RPS6KC1: variants seen among roughly 807,000 people sequenced by gnomAD.
RPS6KC1 encodes inactive ribosomal protein S6 kinase delta-1.
A neutral mutation model predicts 103.8 loss-of-function variants in RPS6KC1; 54 were observed. The ratio of observed to expected loss-of-function variants is 0.52; its 90% CI spans 0.42 to 0.65. RPS6KC1 has a LOEUF of 0.65. Among genes scored for constraint, RPS6KC1 ranks in the 30% least tolerant of loss-of-function variants. RPS6KC1 has a pLI of 0.00. For missense variants in RPS6KC1, 1,151 were observed against 1,253.8 expected, an observed-to-expected ratio of 0.92 and a Z score of 1.24; for synonymous variants, 439 against 438.7, an observed-to-expected ratio of 1.00 and a Z score of -0.01.
chr1:213,707,598 T>C, the RPS6KC1 span, among the ~76,000 whole-genome samples: 3 of 152,240 alleles, frequency 2.0e-5, no homozygotes, highest in Non-Finnish European at 4.4e-5. Flanking sequence ...TTTGGTGTTT[T>C]AGTCATGAAG....
the RPS6KC1 span, among the ~76,000 whole-genome samples, chr1:213,561,204 A>T: frequency 6.6e-6 from 1 of 152,326 alleles, no homozygotes. Context: ...CTGCCCCCTT[A>T]TAGAGTCTTT....
At chr1:213,260,476 G>A (rs1421416357) in intron 12 of RPS6KC1, among the ~76,000 whole-genome samples, 1 of 152,170 alleles carries the variant, frequency 6.6e-6, no homozygotes, top group Non-Finnish European at 1.5e-5. Flanking sequence ...TATTGCTCAA[G>A]CTATTTTGTA....
At chr1:213,358,190 A>G in the RPS6KC1 span, among the ~76,000 whole-genome samples, 91,948 of 151,606 alleles carry the variant, frequency 0.61, 29,436 homozygotes, top group East Asian at 0.93. Context: ...TATTGATTGG[A>G]ATAGTTTCAG....
At chr1:213,313,743 T>C in the RPS6KC1 span, among the ~76,000 whole-genome samples, 31 of 152,156 alleles carry the variant, frequency 2.0e-4, no homozygotes, top group African/African-American at 6.7e-4. Flanking sequence ...GGCGGGCGGA[T>C]CACCAGGTCA....
intron 8 of RPS6KC1, among the ~76,000 whole-genome samples, chr1:213,222,084 G>A (rs2093847782): frequency 6.6e-6 from 1 of 152,142 alleles, no homozygotes; most frequent in African/African-American, 2.4e-5. Context: ...TTGATGCAGC[G>A]ACTTCTGATG....
At chr1:213,355,381 A>G in the RPS6KC1 span, among the ~76,000 whole-genome samples, 2,836 of 152,236 alleles carry the variant, frequency 0.019, 60 homozygotes, top group African/African-American at 0.056. Flanking sequence ...GCCCCCTTGC[A>G]GAATCGGGAG....
At chr1:213,638,189 A>G in the RPS6KC1 span, among the ~76,000 whole-genome samples, 1 of 152,082 alleles carries the variant, frequency 6.6e-6, no homozygotes, top group Non-Finnish European at 1.5e-5. Context: ...CCCTATAGGT[A>G]TCTTTTTTGA....
chr1:213,776,941 C>G, the RPS6KC1 span, among the ~76,000 whole-genome samples: 1 of 125,592 alleles, frequency 8.0e-6, no homozygotes, highest in Non-Finnish European at 1.8e-5. Flanking sequence ...TATAAACCAA[C>G]CTCTGCTAGC....
At chr1:213,523,417 A>C in the RPS6KC1 span, among the ~76,000 whole-genome samples, 1 of 152,232 alleles carries the variant, frequency 6.6e-6, no homozygotes, top group African/African-American at 2.4e-5. Flanking sequence ...AAATGGCACC[A>C]ATAGAGTTTC....
At chr1:213,077,162 G>A (rs970119602) in intron 2 of RPS6KC1, among the ~76,000 whole-genome samples, 4 of 152,152 alleles carry the variant, frequency 2.6e-5, no homozygotes, top group African/African-American at 4.8e-5. Context: ...GAACCACTGC[G>A]CCCGGCCAGT....
the RPS6KC1 span, among the ~76,000 whole-genome samples, chr1:213,647,025 G>A: frequency 6.6e-6 from 1 of 151,836 alleles, no homozygotes; most frequent in South Asian, 2.1e-4. Context: ...TGCCTCCCGA[G>A]TAGCTGGGAT....
chr1:213,367,251 T>C, the RPS6KC1 span, among the ~76,000 whole-genome samples: 1 of 152,232 alleles, frequency 6.6e-6, no homozygotes, highest in East Asian at 1.9e-4. Context: ...TTTGGGTGAA[T>C]ACATCACAAT....
the RPS6KC1 span, among the ~76,000 whole-genome samples, chr1:213,472,507 C>A: frequency 2.0e-5 from 3 of 152,310 alleles, no homozygotes; most frequent in South Asian, 6.2e-4. Context: ...GCCCGTGAGG[C>A]TTTGGGAAAT....
intron 6 of RPS6KC1, among the ~76,000 whole-genome samples, chr1:213,166,617 T>A (rs1029999278): frequency 6.6e-6 from 1 of 152,012 alleles, no homozygotes; most frequent in African/African-American, 2.4e-5. Flanking sequence ...CAATAGAAAT[T>A]TTCCCCCCAC....
intron 1 of RPS6KC1, among the ~76,000 whole-genome samples, chr1:213,057,261 A>G (rs1267407990): frequency 3.9e-5 from 6 of 151,922 alleles, no homozygotes; most frequent in African/African-American, 1.5e-4. Context: ...TTTTAACTGT[A>G]TATTCTTGGT....
intron 8 of RPS6KC1, among the ~76,000 whole-genome samples, chr1:213,189,964 G>A (rs969616513): frequency 3.3e-5 from 5 of 152,138 alleles, no homozygotes; most frequent in Non-Finnish European, 7.3e-5. Context: ...TTCTATCCAT[G>A]TTGTTGCAAA....
the RPS6KC1 span, among the ~76,000 whole-genome samples, chr1:213,464,174 C>T: frequency 6.6e-6 from 1 of 152,098 alleles, no homozygotes; most frequent in African/African-American, 2.4e-5. Flanking sequence ...GTCCTTGTCC[C>T]GTCTCAGAAC....
intron 1 of RPS6KC1, among the ~76,000 whole-genome samples, chr1:213,059,638 C>T (rs1372681412): frequency 6.6e-6 from 1 of 151,874 alleles, no homozygotes; most frequent in African/African-American, 2.4e-5. Flanking sequence ...CTCAGCCTCC[C>T]GAGTAGCTGG....
chr1:213,738,416 G>A, the RPS6KC1 span, among the ~76,000 whole-genome samples: 1 of 152,186 alleles, frequency 6.6e-6, no homozygotes, highest in Non-Finnish European at 1.5e-5. Flanking sequence ...GAAAGTGGAT[G>A]TAGCTGTGAC....
Sources: gnomAD v4.1 joint callset for allele counts (sites outside exome capture counted in the v4.1 genomes callset) on GRCh38, gnomAD v4.1.1 for gene constraint, MANE v1.5 for transcripts, NCBI Gene and HGNC (gene_info 2026-07-23, HGNC 2026-07-21) for gene names.